The following LY9 variants were observed in gnomAD, a reference collection of about 807,000 sequenced individuals.
The protein encoded by LY9 is T-lymphocyte surface antigen Ly-9.
LY9 carries 59 observed loss-of-function variants against 64.6 expected under a neutral mutation model. The observed-to-expected ratio is 0.91, with a 90% CI of 0.74 to 1.13. The LOEUF is 1.13. Ranked by LOEUF, LY9 falls within the 50% of genes most tolerant of loss-of-function variation. The pLI is 0.00. For missense variants in LY9, 789 were observed against 797.2 expected (o/e 0.99, Z 0.12); for synonymous variants, 281 against 308.5 (o/e 0.91, Z 0.93).
At chr1:160,819,847 GGA>G (rs1668263638) in intron 7 of LY9, among the ~76,000 whole-genome samples, 5 of 114,602 alleles carry the variant, frequency 4.4e-5, no homozygotes, top group South Asian at 3.8e-4. Context: ...AAGGAAGGAA[GGA>G]AGGAAGGGAG....
chr1:160,805,738 G>GTA (rs1666914787), intron 2 of LY9, among the ~76,000 whole-genome samples: 1 of 94,024 alleles, frequency 1.1e-5, no homozygotes, highest in African/African-American at 4.4e-5. Context: ...CTCTCTCTCT[G>GTA]TCTCACACAC....
chr1:160,805,149 T>C (rs781323302), intron 2 of LY9, among the ~76,000 whole-genome samples: 1 of 152,148 alleles, frequency 6.6e-6, no homozygotes, highest in Non-Finnish European at 1.5e-5. Flanking sequence ...ATTTTGGGCT[T>C]AGTTTGTTCT....
chr1:160,815,832 AG>A (rs1188865439), intron 4 of LY9, among the ~76,000 whole-genome samples: 1 of 152,234 alleles, frequency 6.6e-6, no homozygotes, highest in Non-Finnish European at 1.5e-5. Context: ...CCTGGGGGTG[AG>A]GAACAGAATT....
At chr1:160,820,241 G>A (rs1383482996) in intron 7 of LY9, among the ~76,000 whole-genome samples, 3 of 152,072 alleles carry the variant, frequency 2.0e-5, no homozygotes, top group African/African-American at 7.2e-5. Flanking sequence ...TTACCTAAGA[G>A]CATCGTGGGA....
intron 2 of LY9, 77 bp downstream of exon 2, chr1:160,800,159 T>A: frequency 8.6e-7 from 1 of 1,162,734 alleles, no homozygotes; most frequent in Non-Finnish European, 1.2e-6. Context: ...TGTGTGAAAT[T>A]TTGTTATATG....
chr1:160,821,128 G>C (rs12143580), intron 7 of LY9, among the ~76,000 whole-genome samples: 27,222 of 109,382 alleles, frequency 0.25, 3,189 homozygotes, highest in Admixed American at 0.4. Context: ...ACTCCAACCT[G>C]GGCAAAAAAA....
In LY9 at chr1:160,814,590, C is replaced by T; in HGVS notation, c.901C>T (p.Pro301Ser). Residue 301 changes from proline to serine, a missense_variant, in exon 4 of 10, where the codon CCA (proline) becomes TCA (serine). Physicochemically the swap from Pro to Ser is moderately conservative, Grantham distance 74. Transcript: ENST00000263285. ...KEREEAATAD[P>S]LIKSRDPYKN... ...GAGGGAAGAAGCAGCAACGGCAGATCCACTCATTAAATCCAGGGATCCTTA... is the reference window on the plus strand; with the variant it reads ...GAGGGAAGAAGCAGCAACGGCAGATTCACTCATTAAATCCAGGGATCCTTA... 1 of 1,614,152 alleles carries T rather than the reference C, an allele frequency of 6.2e-7. No homozygotes were observed. Among genetic ancestry groups the T allele is most frequent in the Non-Finnish European group, 8.5e-7 (1 of 1,180,028 alleles).
Position 160,814,497 on chromosome 1 carries a change from G to A in LY9, c.808G>A (p.Ala270Thr), listed in dbSNP as rs201212361. ...GGGAGAGCCAGTCACCCTGCCACTT[G>A]CACTCCCAGCCTGCCGGGACACAGA... Reference protein sequence around the residue: ...VLGEPVTLPLALPACRDTEKV... With the variant: ...VLGEPVTLPLTLPACRDTEKV... The change falls in exon 4 of 10, where the codon GCA (alanine) becomes ACA (threonine). Residue 270 changes from alanine (A) to threonine (T), a missense_variant. By Grantham distance (58) the Ala-to-Thr change is moderately conservative. Coordinates refer to ENST00000263285, the MANE Select transcript of LY9 (RefSeq NM_002348.4). The A allele has an allele frequency of 1.2e-4, 196 of 1,614,026 alleles. 1 individual carries two copies. Among genetic ancestry groups the A allele is most frequent in the Non-Finnish European group, 1.6e-4 (189 of 1,180,028 alleles).
At chr1:160,827,404 T>A (rs1250240560) in intron 9 of LY9, among the ~76,000 whole-genome samples, 1 of 152,218 alleles carries the variant, frequency 6.6e-6, no homozygotes, top group Non-Finnish European at 1.5e-5. Flanking sequence ...TATCTTCTTA[T>A]AAATGTTCGT....
At position 160,827,895 on chromosome 1, in the gene LY9, C is replaced by A; in HGVS notation, c.*79C>A. On this transcript the variant is annotated 3_prime_UTR_variant, in exon 10 of 10. Transcript: ENST00000263285. ...TGGACCTCATGGGGCCTGGGGCTCA[C>A]AGACAGAAGCACCTCAGAATTTCCT... The A allele has an allele frequency of 9.5e-7, 1 of 1,056,726 alleles. No homozygotes were observed. Among genetic ancestry groups the A allele is most frequent in the Non-Finnish European group, 1.4e-6 (1 of 712,846 alleles). 65.5% of individuals were successfully genotyped at this position (1,056,726 alleles called of 1,614,324 possible).
chr1:160,821,017 G>A (rs1227758904), intron 7 of LY9, among the ~76,000 whole-genome samples: 4 of 151,556 alleles, frequency 2.6e-5, no homozygotes, highest in Non-Finnish European at 5.9e-5. Context: ...GCCAGGCATG[G>A]TGGCACATGC....
At chr1:160,800,227 T>C in intron 2 of LY9, 145 bp downstream of exon 2, 1 of 625,514 alleles carries the variant, frequency 1.6e-6, no homozygotes, top group Non-Finnish European at 2.8e-6. Context: ...CTGAGTACAA[T>C]ATATTCCTGT....
intron 2 of LY9, among the ~76,000 whole-genome samples, chr1:160,807,792 G>T (rs143078694): frequency 3.9e-5 from 6 of 152,280 alleles, no homozygotes; most frequent in African/African-American, 1.4e-4. Context: ...GTGGAAAAAT[G>T]CTCAGGTGCC....
intron 5 of LY9, among the ~76,000 whole-genome samples, chr1:160,817,934 G>A (rs1028242529): frequency 1.3e-5 from 2 of 152,128 alleles, no homozygotes; most frequent in African/African-American, 4.8e-5. Flanking sequence ...TAAGGGCGCT[G>A]TAGGATCTGC....
intron 2 of LY9, among the ~76,000 whole-genome samples, chr1:160,806,019 A>G (rs758436511): frequency 7.1e-6 from 1 of 140,650 alleles, no homozygotes; most frequent in Admixed American, 7.6e-5. Flanking sequence ...TTCCATTTGC[A>G]TGGAATTGTT....
intron 2 of LY9, among the ~76,000 whole-genome samples, chr1:160,805,871 C>A (rs529989613): frequency 1.3e-5 from 2 of 149,428 alleles, no homozygotes; most frequent in East Asian, 3.9e-4. Context: ...GTTGTTATAT[C>A]CTCTTGCTGG....
chr1:160,826,303 G>T (rs1668848862), intron 9 of LY9, among the ~76,000 whole-genome samples: 1 of 152,066 alleles, frequency 6.6e-6, no homozygotes, highest in Non-Finnish European at 1.5e-5. Context: ...AGTGGTAGAG[G>T]TAAAAGAGGT....
intron 4 of LY9, chr1:160,814,966 G>A (rs1027966649): frequency 5.9e-5 from 35 of 588,986 alleles, no homozygotes; most frequent in Non-Finnish European, 9.4e-5. Flanking sequence ...CCGCCAAAGT[G>A]CCCCTGGCTC....
rs1440613825 is a variant in LY9, at chr1:160,823,765, A to G, written c.1799A>G (p.Asn600Ser). Residue 600 changes from asparagine (N) to serine (S), a missense_variant, in exon 8 of 10, where the codon AAC becomes AGC. Transcript: ENST00000263285. ...GAAGTTGAGTCTGTGGTTGGAGAGA[A>G]CACCATGTATGCACAAGTGTTCAAC... The part of the protein sequence containing the change: ...VTEVESVVGE[N>S]TMYAQVFNLQ... 3.7e-6 allele frequency: 6 copies of G among 1,613,904 alleles called. No individual in the cohort carries two copies. Among genetic ancestry groups the G allele is most frequent in the Non-Finnish European group, 4.2e-6 (5 of 1,179,916 alleles).
Sources: gnomAD v4.1 joint callset for allele counts (sites outside exome capture counted in the v4.1 genomes callset) on GRCh38, gnomAD v4.1.1 for gene constraint, MANE v1.5 for transcripts, NCBI Gene and HGNC (gene_info 2026-07-23, HGNC 2026-07-21) for gene names.